TLL1: variants seen among roughly 807,000 people sequenced by gnomAD.
The protein encoded by TLL1 is tolloid-like protein 1.
In TLL1, 49 loss-of-function variants were observed where a neutral mutation model predicts 128.2. The observed-to-expected ratio is 0.38, with a 90% CI of 0.30 to 0.48. The LOEUF is 0.48. Ranked by LOEUF, TLL1 falls within the 20% of genes least tolerant of loss-of-function variation. The pLI is 0.96. For synonymous variants in TLL1, 454 were observed against 418.8 expected, an observed-to-expected ratio of 1.08 and a Z score of -1.03; for missense variants, 1,123 against 1,242.0, an observed-to-expected ratio of 0.90 and a Z score of 1.44.
In TLL1 at chr4:166,042,396, A is replaced by T. The variant is rs76192331; in HGVS notation, c.1378+253A>T. Among the ~76,000 whole-genome samples the T allele has an allele frequency of 5.5e-4, 84 of 152,342 alleles. No individual in the cohort carries two copies. In the East Asian group the frequency reaches 0.011, roughly 19 times the overall value. ...TGGAGAAAAAAGCAAATGGCTCAAG[A>T]ATTCTTAAAGTTTAATTGTTTCATG... On this transcript the variant is annotated intron_variant, in intron 11 of 20. Transcript: ENST00000061240.
chr4:166,052,624 A>G (rs1341002335), intron 12 of TLL1, among the ~76,000 whole-genome samples: 1 of 151,990 alleles, frequency 6.6e-6, no homozygotes, highest in Non-Finnish European at 1.5e-5. Flanking sequence ...TGGACCTTCT[A>G]CTACAAGATG....
intron 1 of TLL1, among the ~76,000 whole-genome samples, chr4:165,893,372 C>A (rs986077213): frequency 6.6e-6 from 1 of 152,132 alleles, no homozygotes; most frequent in South Asian, 2.1e-4. Context: ...AAAGTGAGTC[C>A]TGTGAGTGCC....
chr4:166,095,413 T>A (rs1170805574), intron 19 of TLL1, among the ~76,000 whole-genome samples: 8 of 150,278 alleles, frequency 5.3e-5, no homozygotes, highest in Admixed American at 4.6e-4. Flanking sequence ...AAATCTTTAG[T>A]AAAGAAAAAA....
At chr4:166,053,275 C>T (rs1310562724) in intron 12 of TLL1, 2 of 151,906 alleles carry the variant, frequency 1.3e-5, no homozygotes, top group African/African-American at 4.8e-5. Context: ...CAGGAAACTT[C>T]AGGGTGGTAA....
At chr4:166,073,658 A>G (rs764748681) in intron 16 of TLL1, among the ~76,000 whole-genome samples, 1 of 152,304 alleles carries the variant, frequency 6.6e-6, no homozygotes, top group East Asian at 1.9e-4. Flanking sequence ...TTGCCAATGC[A>G]TTCATATCAC....
intron 1 of TLL1, among the ~76,000 whole-genome samples, chr4:165,935,084 T>A (rs1733703071): frequency 1.3e-5 from 2 of 152,176 alleles, no homozygotes; most frequent in Non-Finnish European, 2.9e-5. Context: ...TAAAATGTTT[T>A]TAAAATAATA....
chr4:166,029,269 A>T (rs929371952), intron 9 of TLL1, among the ~76,000 whole-genome samples: 18 of 152,032 alleles, frequency 1.2e-4, no homozygotes, highest in African/African-American at 4.3e-4. Context: ...ATTATATTTA[A>T]TTTGTATCTT....
intron 18 of TLL1, among the ~76,000 whole-genome samples, chr4:166,084,247 T>C (rs1381912185): frequency 6.6e-6 from 1 of 152,112 alleles, no homozygotes; most frequent in African/African-American, 2.4e-5. Context: ...TTCCTTGTTA[T>C]TGAGTTGTTT....
At chr4:165,921,170 A>T (rs1191392908) in intron 1 of TLL1, among the ~76,000 whole-genome samples, 1 of 152,174 alleles carries the variant, frequency 6.6e-6, no homozygotes, top group African/African-American at 2.4e-5. Flanking sequence ...AAATGAGATG[A>T]CATATGGCAT....
chr4:165,995,269 A>G (rs1414361277), intron 5 of TLL1, 91 bp downstream of exon 5: 5 of 1,012,000 alleles, frequency 4.9e-6, no homozygotes, highest in Non-Finnish European at 7.8e-6. Context: ...ATTTCTTAAG[A>G]TTTGCTTTGT....
intron 1 of TLL1, among the ~76,000 whole-genome samples, chr4:165,946,346 T>G (rs1013159001): frequency 3.9e-5 from 6 of 151,930 alleles, no homozygotes; most frequent in Non-Finnish European, 7.4e-5. Flanking sequence ...GTCATTCCTT[T>G]TTTTTTTGAG....
intron 9 of TLL1, among the ~76,000 whole-genome samples, chr4:166,038,251 T>G (rs935881217): frequency 6.6e-6 from 1 of 152,190 alleles, no homozygotes; most frequent in African/African-American, 2.4e-5. Flanking sequence ...CTTTTTTTCT[T>G]CCTTCCTTTG....
At chr4:165,956,691 C>G (rs1402901605) in intron 1 of TLL1, among the ~76,000 whole-genome samples, 3 of 152,062 alleles carry the variant, frequency 2.0e-5, no homozygotes, top group Admixed American at 1.3e-4. Flanking sequence ...ACACAATTAT[C>G]ACAGTGGTCC....
intron 1 of TLL1, among the ~76,000 whole-genome samples, chr4:165,888,419 T>C (rs982736664): frequency 2.0e-5 from 3 of 152,196 alleles, no homozygotes; most frequent in Non-Finnish European, 4.4e-5. Flanking sequence ...AGGCATAGTC[T>C]ATTCCTTTTT....
chr4:166,041,475 A>G (rs945309386), intron 10 of TLL1, among the ~76,000 whole-genome samples: 6 of 151,518 alleles, frequency 4.0e-5, no homozygotes, highest in Admixed American at 2.0e-4. Flanking sequence ...TAATTTTTGT[A>G]TTTTTAGTAG....
chr4:165,972,998 T>C (rs1735692827), intron 1 of TLL1, among the ~76,000 whole-genome samples: 2 of 152,190 alleles, frequency 1.3e-5, no homozygotes, highest in Admixed American at 1.3e-4. Flanking sequence ...AGCCTTTTAA[T>C]CTCCCTGGCA....
At chr4:166,057,128 C>T in intron 13 of TLL1, 56 bp from the exon 14 acceptor site, 12 of 1,599,236 alleles carry the variant, frequency 7.5e-6, no homozygotes, top group Non-Finnish European at 9.4e-6. Flanking sequence ...AACCATTTCA[C>T]ATACATACAC....
In TLL1 at chr4:166,083,493, A is replaced by G. The variant is rs1480757023; in HGVS notation, c.2442+5463A>G. ...TAGTTCTATTGAATTTATTCCTTCC[A>G]TCTAACTGAAATTTTGTATTTTTTG... On this transcript the variant is annotated intron_variant, in intron 18 of 20. Coordinates refer to ENST00000061240, the MANE Select transcript of TLL1 (RefSeq NM_012464.5). Among the ~76,000 whole-genome samples the G allele has an allele frequency of 4.9e-5, 6 of 122,404 alleles. 2 individuals carry two copies. The highest frequency in any genetic ancestry group is 1.2e-4 in the Non-Finnish European group (6 of 51,984). 80.3% of individuals were successfully genotyped at this position (122,404 alleles called of 152,430 possible). A position where few individuals can be genotyped will look rare whatever the true frequency, so the allele number is the denominator to read the frequency against.
At chr4:166,095,241 G>A (rs1741968112) in intron 19 of TLL1, among the ~76,000 whole-genome samples, 1 of 151,904 alleles carries the variant, frequency 6.6e-6, no homozygotes, top group Non-Finnish European at 1.5e-5. Context: ...TGTAATGATG[G>A]CTGCTTTTCT....
Sources: gnomAD v4.1 joint callset for allele counts (sites outside exome capture counted in the v4.1 genomes callset) on GRCh38, gnomAD v4.1.1 for gene constraint, MANE v1.5 for transcripts, NCBI Gene and HGNC (gene_info 2026-07-23, HGNC 2026-07-21) for gene names.